C12orf57: variants seen among roughly 807,000 people sequenced by gnomAD.
C12orf57 encodes chromosome 12 open reading frame 57, also known as protein C10.
Under a neutral mutation model 11.3 loss-of-function variants are expected in C12orf57, and 14 were observed. That is an observed-to-expected ratio of 1.24 (90% CI 0.82 to 1.94). The LOEUF (loss-of-function observed/expected upper bound fraction) is 1.94. C12orf57 is among the 30% of genes most tolerant of loss of function. The probability of loss-of-function intolerance (pLI) is 0.00; values close to 1 mark genes in which losing one functional copy is unlikely to be tolerated. For synonymous variants in C12orf57, 100 were observed against 74.6 expected, an observed-to-expected ratio of 1.34 and a Z score of -1.76; for missense variants, 229 against 172.4, an observed-to-expected ratio of 1.33 and a Z score of -1.84.
intron 1 of C12orf57, 136 bp downstream of exon 1, chr12:6,944,309 G>T: frequency 6.3e-7 from 1 of 1,583,402 alleles, no homozygotes; most frequent in Non-Finnish European, 8.6e-7. Flanking sequence ...TGGGGTAGGG[G>T]ACGCCGGGTA....
chr12:6,943,912 T>G, upstream of C12orf57: 1 of 1,223,008 alleles, frequency 8.2e-7, no homozygotes, highest in Non-Finnish European at 1.1e-6. Context: ...TAGATTGTTT[T>G]CACTGTGCAA....
At position 6,944,528 on chromosome 12, in the gene C12orf57, C is replaced by T. The variant is rs782459108; in HGVS notation, c.105C>T (p.Arg35=). ...TCTCCGCCCCGGAGAATGCAGTGCG[C>T]ATGGACGAGGCTCGGGATAACGCCT... is the stretch of plus-strand genomic sequence containing the variant. ...QAFSAPENAV[R]MDEARDNACN... is the part of the protein sequence containing the mutation. Residue 35 remains arginine (R), a synonymous_variant, in exon 2 of 3, where the codon CGC becomes CGT. Transcript: ENST00000229281. 2.6e-5 allele frequency: 42 copies of T among 1,613,872 alleles called. No individual in the cohort carries two copies. The highest frequency in any genetic ancestry group is 2.5e-6 in the Non-Finnish European group (3 of 1,180,046).
chr12:6,943,803 A>T, upstream of C12orf57: 1 of 896,272 alleles, frequency 1.1e-6, no homozygotes, highest in Non-Finnish European at 1.5e-6. Flanking sequence ...CTTCTCTCCA[A>T]ACACATACGC....
In C12orf57 at chr12:6,944,034, C is replaced by G. The variant is rs781938134; in HGVS notation, c.-88C>G. On this transcript the variant is annotated 5_prime_UTR_variant, in exon 1 of 3. Coordinates refer to ENST00000229281, the MANE Select transcript of C12orf57 (RefSeq NM_138425.4). ...CCGGATGCTGTTTCCTTTCCGCTCC[C>G]AGGGGCGTTGGGAACGGTTGTAGGA... The G allele has an allele frequency of 2.7e-5, 43 of 1,610,140 alleles. No homozygotes were observed. In the African/African-American group the frequency reaches 4.4e-4, roughly 16 times the overall value.
chr12:6,945,886 T>A lies in C12orf57; in HGVS notation c.345T>A (p.His115Gln). Reference sequence around the variant, plus strand: ...TGCCGCCCATGACCCTGCCACCCCATGGGCCTGCTGCTGGTGGCAGCGTGG... The same window carrying A: ...TGCCGCCCATGACCCTGCCACCCCAAGGGCCTGCTGCTGGTGGCAGCGTGG... ...LFLPPMTLPP[H>Q]GPAAGGSVAA... The change falls in exon 3 of 3, where the codon CAT becomes CAA. Residue 115 changes from histidine (H) to glutamine (Q), a missense_variant. His to Gln is a conservative substitution (Grantham distance 24, BLOSUM62 0). Transcript: ENST00000229281. 1.2e-6 allele frequency: 2 copies of A among 1,613,500 alleles called. No individual in the cohort carries two copies. Among genetic ancestry groups the A allele is most frequent in the Non-Finnish European group, 1.7e-6 (2 of 1,179,904 alleles).
At position 6,944,042 on chromosome 12, in the gene C12orf57, T is replaced by G. The variant is rs749416442; in HGVS notation, c.-80T>G. 2,504 of 1,606,702 alleles carry G rather than the reference T, an allele frequency of 1.6e-3. 4 individuals are homozygous for G. Among genetic ancestry groups the G allele is most frequent in the Admixed American group, 1.9e-3 (114 of 59,868 alleles). ...TGTTTCCTTTCCGCTCCCAGGGGCG[T>G]TGGGAACGGTTGTAGGACGTGGCTC... On this transcript the variant is annotated 5_prime_UTR_variant, in exon 1 of 3. Coordinates refer to ENST00000229281, the MANE Select transcript of C12orf57 (RefSeq NM_138425.4).
intron 1 of C12orf57, 136 bp from the exon 2 acceptor site, chr12:6,944,340 C>G (rs1945735362): frequency 1.3e-6 from 2 of 1,557,878 alleles, no homozygotes; most frequent in Admixed American, 1.9e-5. Context: ...AAGTGGGGCG[C>G]TTGCCCCCAA....
chr12:6,945,011 C>T (rs1176449382), intron 2 of C12orf57: 2 of 522,206 alleles, frequency 3.8e-6, no homozygotes, highest in East Asian at 3.3e-5. Context: ...TGCACATAGC[C>T]TGAGGGTAAT....
At chr12:6,944,020 T>C, upstream of C12orf57, 1 of 1,606,710 alleles carries the variant, frequency 6.2e-7, no homozygotes, top group East Asian at 2.2e-5. Flanking sequence ...CGGATGCTGT[T>C]TCCTTTCCGC....
At position 6,944,556 on chromosome 12, in the gene C12orf57, A is replaced by G; in HGVS notation, c.133A>G (p.Asn45Asp). 1 of 1,614,134 alleles carries G rather than the reference A, an allele frequency of 6.2e-7. No homozygotes were observed. The highest frequency in any genetic ancestry group is 8.5e-7 in the Non-Finnish European group (1 of 1,180,034). ...GGACGAGGCTCGGGATAACGCCTGC[A>G]ACGACATGGGTAAGATGCTGCAATT... ...RMDEARDNAC[N>D]DMGKMLQFVL... Residue 45 changes from asparagine (N) to aspartate (D), a missense_variant, in exon 2 of 3, where the codon AAC (asparagine) becomes GAC (aspartate). Transcript: ENST00000229281.
chr12:6,944,197 A>C, intron 1 of C12orf57, 24 bp downstream of exon 1: 1 of 1,565,906 alleles, frequency 6.4e-7, no homozygotes, highest in Non-Finnish European at 8.8e-7. Context: ...TAGTCAAGGC[A>C]TAGGCTGCTG....
At chr12:6,943,656 G>C (rs1565572286), upstream of C12orf57, 1 of 1,287,158 alleles carries the variant, frequency 7.8e-7, no homozygotes, top group Admixed American at 2.3e-5. Flanking sequence ...AGAAATGAAT[G>C]ACTTAAGTAA....
At chr12:6,944,863 C>T (rs782657005) in intron 2 of C12orf57, 4 of 1,418,662 alleles carry the variant, frequency 2.8e-6, no homozygotes, top group Admixed American at 6.2e-5. Flanking sequence ...GGTTCTGTAT[C>T]CCTTACCCGA....
In C12orf57 at chr12:6,944,099, G is replaced by T; in HGVS notation, c.-23G>T. On this transcript the variant is annotated 5_prime_UTR_variant, in exon 1 of 3. Transcript: ENST00000229281. ...CGTGAGTTTTCCATTTACCTCCGCTGAACCTAGAGCTTCAGACGCCCTATG... is the reference window on the plus strand; with the variant it reads ...CGTGAGTTTTCCATTTACCTCCGCTTAACCTAGAGCTTCAGACGCCCTATG... 1.9e-6 allele frequency: 3 copies of T among 1,614,178 alleles called. No individual in the cohort carries two copies. Among genetic ancestry groups the T allele is most frequent in the South Asian group, 1.1e-5 (1 of 91,078 alleles).
upstream of C12orf57, chr12:6,943,917 G>C (rs140571456): frequency 5.1e-4 from 635 of 1,257,084 alleles, 4 homozygotes; most frequent in African/African-American, 8.7e-3. Flanking sequence ...TGTTTTCACT[G>C]TGCAAAAATT....
rs1555146068 is a variant in C12orf57 at position 6,944,630 on chromosome 12, T to C, written c.207T>C (p.Tyr69=). ...TQIQQEVIKA[Y]GFSCDGEGVL... is the part of the protein sequence containing the mutation. ...TCCAGCAGGAGGTTATCAAAGCCTA[T>C]GGCTTCAGCTGCGACGGGGAAGGTG... Residue 69 remains tyrosine, a synonymous_variant, in exon 2 of 3, where the codon TAT becomes TAC. Coordinates refer to ENST00000229281, the MANE Select transcript of C12orf57 (RefSeq NM_138425.4). The C allele has an allele frequency of 3.7e-6, 6 of 1,612,730 alleles. No individual in the cohort carries two copies. The highest frequency in any genetic ancestry group is 4.2e-6 in the Non-Finnish European group (5 of 1,178,976).
At chr12:6,945,693 T>G (rs782762071) in intron 2 of C12orf57, 78 bp from the exon 3 acceptor site, 3 of 1,490,226 alleles carry the variant, frequency 2.0e-6, no homozygotes, top group Admixed American at 3.8e-5. Context: ...CAGTTCATGC[T>G]TAGACTACCA....
At position 6,944,260 on chromosome 12, in the gene C12orf57, G is replaced by A. The variant is rs139314099; in HGVS notation, c.52+87G>A. On this transcript the variant is annotated intron_variant, in intron 1 of 2. Coordinates refer to ENST00000229281, the MANE Select transcript of C12orf57 (RefSeq NM_138425.4). ...TGGTCTGGGGAGGATGCGGGCGGAGGATGTGGGGCGACAAACCTGGCTACG... is the reference window on the plus strand; with the variant it reads ...TGGTCTGGGGAGGATGCGGGCGGAGAATGTGGGGCGACAAACCTGGCTACG... 5.7e-3 allele frequency: 9,189 copies of A among 1,608,980 alleles called. 37 individuals carry two copies. The highest frequency in any genetic ancestry group is 6.6e-3 in the Non-Finnish European group (7,763 of 1,176,736).
Position 6,944,611 on chromosome 12 carries a change from A to T in C12orf57, c.188A>T (p.Gln63Leu), listed in dbSNP as rs1945747633. Residue 63 changes from glutamine to leucine, a missense_variant, in exon 2 of 3, where the codon CAG becomes CTG. Physicochemically the swap from Gln to Leu is moderately radical, Grantham distance 113 (BLOSUM62 -2). Transcript: ENST00000229281. ...CTGCCCGTGGCCACGCAGATCCAGC[A>T]GGAGGTTATCAAAGCCTATGGCTTC... ...FVLPVATQIQ[Q>L]EVIKAYGFSC... The T allele has an allele frequency of 6.2e-7, 1 of 1,614,044 alleles. No homozygotes were observed. Among genetic ancestry groups the T allele is most frequent in the Non-Finnish European group, 8.5e-7 (1 of 1,180,018 alleles).
Sources: allele counts gnomAD v4.1 joint callset, GRCh38; gene constraint gnomAD v4.1.1; transcripts MANE v1.5; gene names NCBI Gene and HGNC (gene_info 2026-07-23, HGNC 2026-07-21).